Variants in STRN3 observed in about 807,000 individuals in gnomAD.
STRN3 encodes striatin-3.
Under a neutral mutation model 95.6 loss-of-function variants are expected in STRN3, and 29 were observed. That is an observed-to-expected ratio of 0.30 (90% CI 0.23 to 0.41). STRN3 has a LOEUF of 0.41. Ranked by LOEUF, STRN3 falls within the 10% of genes least tolerant of loss-of-function variation. STRN3 has a pLI of 1.00. For missense variants in STRN3, 890 were observed against 972.1 expected (o/e 0.92, Z 1.12); for synonymous variants, 331 against 357.6 (o/e 0.93, Z 0.84).
chr14:30,977,007 A>T (rs1312351958), intron 1 of STRN3, among the ~76,000 whole-genome samples: 1 of 150,524 alleles, frequency 6.6e-6, no homozygotes, highest in Non-Finnish European at 1.5e-5. Flanking sequence ...GGCGGATCAC[A>T]TGAGATCAGG....
At chr14:30,905,325 C>T in intron 15 of STRN3, 93 bp downstream of exon 15, 3 of 1,248,588 alleles carry the variant, frequency 2.4e-6, no homozygotes, top group Non-Finnish European at 3.2e-6. Flanking sequence ...ATCCTAAATT[C>T]AAATAGTGAA....
At chr14:30,963,512 G>A (rs112973991) in intron 1 of STRN3, among the ~76,000 whole-genome samples, 1 of 152,136 alleles carries the variant, frequency 6.6e-6, no homozygotes, top group Non-Finnish European at 1.5e-5. Context: ...GGGTTCAAGT[G>A]ATTCTCCTGC....
At chr14:30,929,157 A>T (rs748539029) in intron 8 of STRN3, 44 bp downstream of exon 8, 2 of 1,504,266 alleles carry the variant, frequency 1.3e-6, no homozygotes, top group Admixed American at 2.1e-5. Context: ...TTTTTTCTCA[A>T]TTATTGGTAT....
chr14:30,930,818 A>C (rs1878493680), intron 7 of STRN3, among the ~76,000 whole-genome samples: 1 of 152,156 alleles, frequency 6.6e-6, no homozygotes, highest in Non-Finnish European at 1.5e-5. Context: ...ACGGGATCTC[A>C]ACAATTAATC....
At chr14:30,937,049 AGTG>A (rs1807892910) in intron 5 of STRN3, among the ~76,000 whole-genome samples, 1 of 152,164 alleles carries the variant, frequency 6.6e-6, no homozygotes, top group African/African-American at 2.4e-5. Context: ...GGCCAGGGAC[AGTG>A]CTTCATGCCT....
At chr14:30,956,039 T>C in intron 2 of STRN3, 100 bp downstream of exon 2, 1 of 950,416 alleles carries the variant, frequency 1.1e-6, no homozygotes, top group East Asian at 2.5e-5. Flanking sequence ...GGGCAAGGAT[T>C]TGTACCTTTC....
intron 1 of STRN3, among the ~76,000 whole-genome samples, chr14:30,989,461 T>C (rs1007691564): frequency 3.3e-5 from 5 of 152,194 alleles, no homozygotes; most frequent in Non-Finnish European, 1.5e-5. Flanking sequence ...ACAGGATTTT[T>C]ATTTATTTAT....
rs1169867809 is a variant in STRN3 at position 30,912,150 on chromosome 14, T to A, written c.1407A>T (p.Thr469=). 6.2e-7 allele frequency: 1 copy of A among 1,610,802 alleles called. No individual in the cohort carries two copies. The highest frequency in any genetic ancestry group is 1.1e-5 in the South Asian group (1 of 89,786). The change falls in exon 11 of 18, where the codon ACA becomes ACT. Residue 469 remains threonine (T), a synonymous_variant. Coordinates refer to ENST00000357479, the MANE Select transcript of STRN3 (RefSeq NM_001083893.2). ...TACGTAGTGTATACTTGGGATTCCA[T>A]GTCTTTCGAAAGGCATCTTTATTAG... ...LPANKDAFRK[T]WNPKYTLRSH...
intron 1 of STRN3, among the ~76,000 whole-genome samples, chr14:30,994,503 G>A (rs1283276051): frequency 6.6e-6 from 1 of 152,096 alleles, no homozygotes; most frequent in East Asian, 1.9e-4. Flanking sequence ...TAAACTGTAT[G>A]CATAGGGATC....
intron 1 of STRN3, among the ~76,000 whole-genome samples, chr14:30,995,510 A>G (rs895568711): frequency 3.3e-5 from 5 of 152,162 alleles, no homozygotes; most frequent in African/African-American, 1.2e-4. Flanking sequence ...AATATCTGCT[A>G]GCTATAAATT....
chr14:30,922,703 T>A (rs1460727676), intron 8 of STRN3, among the ~76,000 whole-genome samples: 3 of 152,208 alleles, frequency 2.0e-5, no homozygotes, highest in African/African-American at 4.8e-5. Context: ...TAAGTCATGT[T>A]TGCTAGATCT....
At chr14:31,016,126 C>A (rs1282594307) in intron 1 of STRN3, among the ~76,000 whole-genome samples, 1 of 152,164 alleles carries the variant, frequency 6.6e-6, no homozygotes, top group African/African-American at 2.4e-5. Context: ...AATGGTACAG[C>A]CACTTTGGAA....
At chr14:30,907,394 T>C (rs1460936177) in intron 13 of STRN3, among the ~76,000 whole-genome samples, 3 of 152,172 alleles carry the variant, frequency 2.0e-5, no homozygotes, top group African/African-American at 4.8e-5. Context: ...TTCACAGAGT[T>C]ATACAACCAT....
chr14:30,937,991 C>T (rs7145438), intron 5 of STRN3, among the ~76,000 whole-genome samples: 29,422 of 152,018 alleles, frequency 0.19, 3,441 homozygotes, highest in Middle Eastern at 0.28. Context: ...CTGTAGTATA[C>T]TTTAAATCAT....
chr14:30,936,683 T>C (rs1878838901), intron 5 of STRN3, 59 bp from the exon 6 acceptor site: 1 of 1,544,928 alleles, frequency 6.5e-7, no homozygotes, highest in East Asian at 2.3e-5. Context: ...TAATATTTCT[T>C]TCTGGTTCCC....
intron 2 of STRN3, 29 bp downstream of exon 2, chr14:30,956,110 A>G: frequency 1.9e-6 from 3 of 1,582,466 alleles, no homozygotes; most frequent in Non-Finnish European, 2.6e-6. Flanking sequence ...GTTCTACTTT[A>G]TTCATGTAAC....
chr14:30,895,903 C>A (rs1447020288), intron 16 of STRN3, among the ~76,000 whole-genome samples, 155 bp from the exon 17 acceptor site: 2 of 152,200 alleles, frequency 1.3e-5, no homozygotes, highest in Admixed American at 1.3e-4. Context: ...CTGTAAACAT[C>A]TGAGTACACA....
At chr14:30,996,718 T>C (rs1382566125) in intron 1 of STRN3, among the ~76,000 whole-genome samples, 1 of 152,092 alleles carries the variant, frequency 6.6e-6, no homozygotes, top group Non-Finnish European at 1.5e-5. Context: ...ATACAAAAAT[T>C]AGCTGGGTGT....
intron 1 of STRN3, among the ~76,000 whole-genome samples, chr14:31,009,464 A>G (rs1393170856): frequency 6.6e-6 from 1 of 152,096 alleles, no homozygotes; most frequent in Non-Finnish European, 1.5e-5. Flanking sequence ...GCCCCATGGG[A>G]GCAAAACTAC....
Sources: allele counts gnomAD v4.1 joint callset (sites outside exome capture counted in the v4.1 genomes callset), GRCh38; gene constraint gnomAD v4.1.1; transcripts MANE v1.5; gene names NCBI Gene and HGNC (gene_info 2026-07-23, HGNC 2026-07-21).